Variants in SLC41A3 observed in about 807,000 individuals in gnomAD.
SLC41A3 encodes SLC41A1-like 2.
SLC41A3 carries 44 observed loss-of-function variants against 45.4 expected under a neutral mutation model. The observed-to-expected ratio is 0.97, with a 90% CI of 0.76 to 1.25. The LOEUF is 1.25. Among genes scored for constraint, SLC41A3 ranks in the 50% most tolerant of loss-of-function variants. The pLI is 0.00. For missense variants in SLC41A3, 550 were observed against 600.6 expected (o/e 0.92, Z 0.88); for synonymous variants, 256 against 252.4 (o/e 1.01, Z -0.13).
intron 10 of SLC41A3, among the ~76,000 whole-genome samples, chr3:126,007,878 A>G (rs1303780831): frequency 6.6e-6 from 1 of 152,244 alleles, no homozygotes; most frequent in Non-Finnish European, 1.5e-5. Context: ...TGCTCCCTGC[A>G]AAGGCCCCAG....
chr3:126,086,225 T>C (rs1231960520), upstream of SLC41A3, among the ~76,000 whole-genome samples: 3 of 152,178 alleles, frequency 2.0e-5, no homozygotes, highest in African/African-American at 7.2e-5. Context: ...AATGGAAATA[T>C]AATGATCCTT....
At chr3:126,058,852 G>A (rs9875224) in intron 2 of SLC41A3, among the ~76,000 whole-genome samples, 100,166 of 151,948 alleles carry the variant, frequency 0.66, 33,263 homozygotes, top group Middle Eastern at 0.72. Flanking sequence ...GGCCATGCCC[G>A]TGCTCCTCCC....
chr3:126,006,696 C>G lies in SLC41A3; in HGVS notation c.*320G>C. On this transcript the variant is annotated 3_prime_UTR_variant, in exon 11 of 11. Coordinates refer to ENST00000360370, the MANE Select transcript of SLC41A3 (RefSeq NM_017836.4). ...GAGCAAACACACCCTGCAAAGCATA[C>G]TGGACATGCCTCTTCTTTACCTTCT... The G allele has an allele frequency of 6.8e-7, 1 of 1,460,588 alleles. No homozygotes were observed. Among genetic ancestry groups the G allele is most frequent in the Non-Finnish European group, 9.0e-7 (1 of 1,108,582 alleles). 90.5% of individuals were successfully genotyped at this position (1,460,588 alleles called of 1,614,324 possible). A position where few individuals can be genotyped will look rare whatever the true frequency, so the allele number is the denominator to read the frequency against.
intron 2 of SLC41A3, 53 bp from the exon 3 acceptor site, chr3:126,051,103 T>C: frequency 1.4e-6 from 2 of 1,477,866 alleles, no homozygotes; most frequent in Non-Finnish European, 1.8e-6. Context: ...AGCAAATCTC[T>C]GGAAATTTCT....
At chr3:126,061,476 C>G (rs951095758) in intron 2 of SLC41A3, among the ~76,000 whole-genome samples, 6 of 152,200 alleles carry the variant, frequency 3.9e-5, no homozygotes, top group African/African-American at 1.4e-4. Flanking sequence ...GCACACAGCC[C>G]TCATTGCTAT....
intron 2 of SLC41A3, chr3:126,056,895 C>T: frequency 8.8e-7 from 1 of 1,136,822 alleles, no homozygotes; most frequent in Non-Finnish European, 1.1e-6. Context: ...CTCATGGTCC[C>T]TCTGCACCGG....
In SLC41A3 at chr3:126,016,658, A is replaced by G; in HGVS notation, c.890+73T>C. The G allele has an allele frequency of 1.8e-5, 27 of 1,524,262 alleles. No homozygotes were observed. The South Asian group carries it at 3.1e-4, about 18-fold the overall frequency. 94.4% of individuals were successfully genotyped at this position (1,524,262 alleles called of 1,614,324 possible). On this transcript the variant is annotated intron_variant, in intron 7 of 10. Coordinates refer to ENST00000360370, the MANE Select transcript of SLC41A3 (RefSeq NM_017836.4). ...TCCATTCCTGTCCCCCAAGGCAGTG[A>G]GTGTCACCCTGGTTCTAGGGGCCTT...
chr3:126,033,542 C>A, intron 4 of SLC41A3, 65 bp downstream of exon 4: 1 of 1,557,118 alleles, frequency 6.4e-7, no homozygotes, highest in East Asian at 2.3e-5. Flanking sequence ...TAGCCTTCAC[C>A]CTTCCCACCT....
chr3:126,089,874 C>A (rs986764486), intron 1 of SLC41A3, among the ~76,000 whole-genome samples: 1 of 152,166 alleles, frequency 6.6e-6, no homozygotes, highest in Non-Finnish European at 1.5e-5. Context: ...GGAGCCCTTT[C>A]TTAGGACTAA....
intron 3 of SLC41A3, among the ~76,000 whole-genome samples, chr3:126,042,699 CAG>C (rs1487795632): frequency 6.6e-5 from 10 of 151,650 alleles, no homozygotes; most frequent in African/African-American, 2.4e-4. Context: ...AACAAAGAAA[CAG>C]AAATCATAAA....
chr3:126,030,930 T>C (rs1230038721), intron 4 of SLC41A3, among the ~76,000 whole-genome samples: 1 of 152,230 alleles, frequency 6.6e-6, no homozygotes, highest in Non-Finnish European at 1.5e-5. Context: ...CTATATACCT[T>C]CTGATTCAGC....
intron 3 of SLC41A3, among the ~76,000 whole-genome samples, chr3:126,043,545 A>T (rs1488645080): frequency 6.6e-6 from 1 of 152,112 alleles, no homozygotes; most frequent in Non-Finnish European, 1.5e-5. Flanking sequence ...ATAAGCATTT[A>T]AAACACAAAA....
intron 1 of SLC41A3, among the ~76,000 whole-genome samples, chr3:126,076,750 T>TC (rs1944898038): frequency 6.6e-6 from 1 of 152,214 alleles, no homozygotes; most frequent in Admixed American, 6.5e-5. Context: ...TCTGTTTTAT[T>TC]TTTTCTTTAG....
At chr3:126,012,811 T>C in intron 8 of SLC41A3, 62 bp from the exon 9 acceptor site, 1 of 1,589,948 alleles carries the variant, frequency 6.3e-7, no homozygotes, top group Non-Finnish European at 8.6e-7. Flanking sequence ...TTGTATCCCT[T>C]ATTTTAAGTT....
At chr3:126,034,827 T>C (rs1213674450) in intron 3 of SLC41A3, among the ~76,000 whole-genome samples, 1 of 152,284 alleles carries the variant, frequency 6.6e-6, no homozygotes, top group Non-Finnish European at 1.5e-5. Flanking sequence ...CTGGCCCATA[T>C]GATTTCTGAG....
At chr3:126,070,771 A>G (rs936968200) in intron 1 of SLC41A3, among the ~76,000 whole-genome samples, 1 of 152,194 alleles carries the variant, frequency 6.6e-6, no homozygotes, top group Non-Finnish European at 1.5e-5. Context: ...TTAGGATCCT[A>G]GACACTAGCT....
Position 126,006,724 on chromosome 3 carries a change from G to A in SLC41A3, c.*292C>T. 6.9e-7 allele frequency: 1 copy of A among 1,449,258 alleles called. No homozygotes were observed. The highest frequency in any genetic ancestry group is 1.4e-5 in the African/African-American group (1 of 69,880). 89.8% of individuals were successfully genotyped at this position (1,449,258 alleles called of 1,614,324 possible). ...GACATGCCTCTTCTTTACCTTCTCA[G>A]GCCAGAACACCCTCCTCTCCACAAA... On this transcript the variant is annotated 3_prime_UTR_variant, in exon 11 of 11. Transcript: ENST00000360370.
At chr3:126,014,040 T>TAGGA in intron 8 of SLC41A3, among the ~76,000 whole-genome samples, 1 of 152,222 alleles carries the variant, frequency 6.6e-6, no homozygotes, top group East Asian at 1.9e-4. Flanking sequence ...TGCTGAGCAT[T>TAGGA]CCTTCTGTGG....
intron 3 of SLC41A3, among the ~76,000 whole-genome samples, chr3:126,048,170 T>C (rs994831742): frequency 6.6e-6 from 1 of 152,214 alleles, no homozygotes; most frequent in Non-Finnish European, 1.5e-5. Context: ...ATTAATTTTA[T>C]AAGCTAAAAG....
Sources: gnomAD v4.1 joint callset for allele counts (sites outside exome capture counted in the v4.1 genomes callset) on GRCh38, gnomAD v4.1.1 for gene constraint, MANE v1.5 for transcripts, NCBI Gene and HGNC (gene_info 2026-07-23, HGNC 2026-07-21) for gene names.